BFSP1: variants seen among roughly 807,000 people sequenced by gnomAD.
The protein encoded by BFSP1 is beaded filament structural protein 1, also known as filensin.
A neutral mutation model predicts 43.9 loss-of-function variants in BFSP1; 38 were observed. That is an observed-to-expected ratio of 0.87 (90% CI 0.67 to 1.14). BFSP1 has a LOEUF of 1.14. BFSP1 is among the 50% of genes most tolerant of loss of function. The pLI is 0.00. For missense variants in BFSP1, 850 were observed against 875.1 expected (o/e 0.97, Z 0.36); for synonymous variants, 352 against 354.8 (o/e 0.99, Z 0.09).
chr20:17,497,681 CA>C (rs2033688511), intron 6 of BFSP1, among the ~76,000 whole-genome samples: 2 of 149,740 alleles, frequency 1.3e-5, no homozygotes. Context: ...TACATATATA[CA>C]TATACATGTA....
chr20:17,531,123 C>G lies in BFSP1; in HGVS notation c.207G>C (p.Arg69=). The part of the protein sequence containing the change: ...RALEQRHAGL[R]RQLDAFQRLG... Reference sequence around the variant, plus strand: ...GGCGCTGGAAGGCATCCAGCTGCCTCCGGAGCCCGGCATGGCGCTGCTCGA... The same window carrying G: ...GGCGCTGGAAGGCATCCAGCTGCCTGCGGAGCCCGGCATGGCGCTGCTCGA... Residue 69 remains arginine, a synonymous_variant, in exon 1 of 8, where the codon CGG becomes CGC. Coordinates refer to ENST00000377873, the MANE Select transcript of BFSP1 (RefSeq NM_001195.5). 7.5e-7 allele frequency: 1 copy of G among 1,335,090 alleles called. No homozygotes were observed. The highest frequency in any genetic ancestry group is 9.6e-7 in the Non-Finnish European group (1 of 1,046,082). 82.7% of individuals were successfully genotyped at this position (1,335,090 alleles called of 1,614,324 possible).
intron 2 of BFSP1, among the ~76,000 whole-genome samples, chr20:17,516,561 A>G (rs2034205548): frequency 6.6e-6 from 1 of 152,202 alleles, no homozygotes; most frequent in Non-Finnish European, 1.5e-5. Context: ...AGAAGGTTGT[A>G]TGGACCTTGG....
At chr20:17,538,756 AG>A (rs1031011323) in intron 1 of BFSP1, among the ~76,000 whole-genome samples, 35 of 152,316 alleles carry the variant, frequency 2.3e-4, no homozygotes, top group African/African-American at 7.7e-4. Context: ...TCATTGTCCC[AG>A]CAGGTGCCAT....
chr20:17,504,546 T>G (rs2033884942), intron 5 of BFSP1, among the ~76,000 whole-genome samples: 1 of 151,968 alleles, frequency 6.6e-6, no homozygotes, highest in Non-Finnish European at 1.5e-5. Context: ...AGAAAGGGGC[T>G]TCCAGGAGGA....
chr20:17,498,778 T>C (rs185188648), intron 6 of BFSP1, 42 bp downstream of exon 6: 183 of 1,592,132 alleles, frequency 1.1e-4, no homozygotes, highest in Non-Finnish European at 1.5e-4. Flanking sequence ...TAAAGAGTTG[T>C]GGAAGGAATA....
rs532447886 is a variant in BFSP1, at chr20:17,525,049, C to A, written c.378-141G>T. 1.5e-5 allele frequency: 11 copies of A among 734,280 alleles called. No individual in the cohort carries two copies. The highest frequency in any genetic ancestry group is 2.4e-5 in the Non-Finnish European group (10 of 417,874). 45.5% of individuals were successfully genotyped at this position (734,280 alleles called of 1,614,324 possible). ...GTCTTAATTTTAAAGTAGTAGCTAA[C>A]GAATGCTGCATTTCCTAGCTGACTG... On this transcript the variant is annotated intron_variant, in intron 1 of 7. Coordinates refer to ENST00000377873, the MANE Select transcript of BFSP1 (RefSeq NM_001195.5). This position sits in a 1 kb window ranked among gnomAD's most constrained non-coding sequence, Gnocchi z 4.2.
rs535826556 is a variant in BFSP1, at chr20:17,525,687, A to C, written c.378-779T>G. 9.9e-5 allele frequency among the ~76,000 whole-genome samples: 15 copies of C among 152,276 alleles called. 1 individual carries two copies. In the South Asian group the frequency reaches 3.1e-3, roughly 32 times the overall value. ...CCCTAAAGAGAGAAGATTCCTTCCT[A>C]AATGACCCCTCCCCTTGTTCCCTAT... On this transcript the variant is annotated intron_variant, in intron 1 of 7. Transcript: ENST00000377873. The surrounding 1 kb of genome is among the most constrained non-coding windows in gnomAD (Gnocchi z 4.2).
rs773742320 is a variant in BFSP1, at chr20:17,531,213, C to T, written c.117G>A (p.Thr39=). The change falls in exon 1 of 8, where the codon ACG becomes ACA. Residue 39 remains threonine, a synonymous_variant. Transcript: ENST00000377873. ...CGAGCCCCTGCAGCGCCGCCAGGCTCGTTGCCCCAGCCCAGCCCTCGTCGG... is the reference window on the plus strand; with the variant it reads ...CGAGCCCCTGCAGCGCCGCCAGGCTTGTTGCCCCAGCCCAGCCCTCGTCGG... ...RPADEGWAGA[T]SLAALQGLGE... The T allele has an allele frequency of 3.0e-6, 4 of 1,329,644 alleles. No individual in the cohort carries two copies. Among genetic ancestry groups the T allele is most frequent in the Non-Finnish European group, 2.9e-6 (3 of 1,040,782 alleles). The allele number at this position is 1,329,644 out of a possible 1,614,324, so 82.4% of individuals were successfully genotyped here. A position where few individuals can be genotyped will look rare whatever the true frequency, so the allele number is the denominator to read the frequency against.
chr20:17,547,835 ATTC>A (rs143544885), intron 1 of BFSP1, among the ~76,000 whole-genome samples: 11,784 of 149,530 alleles, frequency 0.079, 655 homozygotes, highest in East Asian at 0.32. Flanking sequence ...GGCTCAATCA[ATTC>A]TTCTGCCTCA....
chr20:17,514,298 C>T (rs2034150989), intron 3 of BFSP1, among the ~76,000 whole-genome samples: 1 of 152,186 alleles, frequency 6.6e-6, no homozygotes, highest in Non-Finnish European at 1.5e-5. Flanking sequence ...CTGTTGGAGG[C>T]TGGGGGAGTC....
chr20:17,503,014 A>T (rs764675885), intron 5 of BFSP1, among the ~76,000 whole-genome samples: 16 of 152,318 alleles, frequency 1.1e-4, no homozygotes, highest in Middle Eastern at 3.4e-3. Context: ...CTCATGAGAC[A>T]GACTATTCTC....
At chr20:17,530,921 T>C (rs2034519584) in intron 1 of BFSP1, 32 bp downstream of exon 1, 11 of 1,377,310 alleles carry the variant, frequency 8.0e-6, no homozygotes, top group Non-Finnish European at 1.0e-5. Flanking sequence ...GCCCACGCCC[T>C]GCCTCGGTTT....
intron 1 of BFSP1, among the ~76,000 whole-genome samples, chr20:17,550,170 G>T (rs531940085): frequency 1.0e-3 from 152 of 152,288 alleles, no homozygotes; most frequent in African/African-American, 3.6e-3. Context: ...CCAAGAGGGG[G>T]TTCTTGGACT....
chr20:17,497,568 ATAT>A (rs1568679586), intron 6 of BFSP1, among the ~76,000 whole-genome samples: 1 of 25,938 alleles, frequency 3.9e-5, no homozygotes, highest in African/African-American at 4.2e-4. Flanking sequence ...ATGTGTGTGT[ATAT>A]GTATATATAC....
chr20:17,537,358 C>T (rs925761442), intron 1 of BFSP1, among the ~76,000 whole-genome samples: 2 of 152,076 alleles, frequency 1.3e-5, no homozygotes, highest in African/African-American at 4.8e-5. Flanking sequence ...GAAGTATGCT[C>T]AGTGCTCCTG....
chr20:17,560,988 T>C (rs765695441), upstream of BFSP1, among the ~76,000 whole-genome samples: 1 of 152,242 alleles, frequency 6.6e-6, no homozygotes, highest in Non-Finnish European at 1.5e-5. Flanking sequence ...TGTTTTTACA[T>C]GTTAAGGTTT....
intron 2 of BFSP1, among the ~76,000 whole-genome samples, chr20:17,523,343 C>T (rs2034354856): frequency 6.6e-6 from 1 of 152,010 alleles, no homozygotes; most frequent in African/African-American, 2.4e-5. Flanking sequence ...CAGATGCTCA[C>T]AAAGCAACAT....
upstream of BFSP1, among the ~76,000 whole-genome samples, chr20:17,534,889 T>C (rs183263179): frequency 6.6e-6 from 1 of 151,966 alleles, no homozygotes; most frequent in East Asian, 1.9e-4. Flanking sequence ...ACGTCGTGGC[T>C]TGTGCCTGTA....
chr20:17,556,136 G>T (rs1395648406), intron 1 of BFSP1, among the ~76,000 whole-genome samples: 1 of 152,058 alleles, frequency 6.6e-6, no homozygotes, highest in Non-Finnish European at 1.5e-5. Context: ...ATAAAGTTAG[G>T]TATCTCACAA....
Sources: gnomAD v4.1 joint callset for allele counts (sites outside exome capture counted in the v4.1 genomes callset) on GRCh38, gnomAD v4.1.1 for gene constraint, Gnocchi (gnomAD v3.1) non-coding constraint, MANE v1.5 for transcripts, NCBI Gene and HGNC (gene_info 2026-07-23, HGNC 2026-07-21) for gene names.